The following UBR3 variants were observed in gnomAD, a reference collection of about 807,000 sequenced individuals.
The protein encoded by UBR3 is ubiquitin protein ligase E3 component n-recognin 3.
UBR3 carries 85 observed loss-of-function variants against 243.2 expected under a neutral mutation model. The observed-to-expected ratio is 0.35, with a 90% CI of 0.29 to 0.42. The LOEUF is 0.42. UBR3 is among the 10% of genes least tolerant of loss of function. UBR3 has a pLI of 1.00. For missense variants in UBR3, 1,686 were observed against 2,300.8 expected (o/e 0.73, Z 5.47); for synonymous variants, 748 against 799.8 (o/e 0.94, Z 1.09).
At chr2:170,056,443 G>T (rs536681171) in intron 33 of UBR3, among the ~76,000 whole-genome samples, 1 of 152,114 alleles carries the variant, frequency 6.6e-6, no homozygotes, top group African/African-American at 2.4e-5. Flanking sequence ...TATGCTAAAT[G>T]TAAATACTTT....
intron 20 of UBR3, among the ~76,000 whole-genome samples, chr2:169,945,800 C>T (rs1045740019): frequency 1.3e-5 from 2 of 152,238 alleles, no homozygotes; most frequent in South Asian, 2.1e-4. Context: ...TCAGAGAAGC[C>T]TTTTTACTAA....
chr2:170,055,419 A>G (rs201340624), intron 32 of UBR3, 41 bp from the exon 33 acceptor site: 66 of 1,601,106 alleles, frequency 4.1e-5, no homozygotes, highest in Non-Finnish European at 5.0e-5. Flanking sequence ...AGTACAAAAT[A>G]TCTAGATTCC....
chr2:170,077,340 C>G (rs2105460380), intron 36 of UBR3: 1 of 873,054 alleles, frequency 1.1e-6, no homozygotes, highest in East Asian at 2.4e-5. Context: ...TCACATTCAC[C>G]TCAGTAACAG....
chr2:169,914,087 G>T lies in UBR3; in HGVS notation c.1807G>T (p.Val603Phe). ...RETQEYTRNV[V>F]RYCLEALQDW... The stretch of plus-strand genomic sequence containing the variant: ...AACTCAAGAGTATACCCGAAATGTT[G>T]TTAGATATTGCCTTGAAGCTCTTCA... The change falls in exon 11 of 39, where the codon GTT becomes TTT. Residue 603 changes from valine (V) to phenylalanine (F), a missense_variant. Transcript: ENST00000272793. The T allele has an allele frequency of 6.6e-7, 1 of 1,507,732 alleles. No individual in the cohort carries two copies. The highest frequency in any genetic ancestry group is 8.9e-7 in the Non-Finnish European group (1 of 1,125,962). The allele number at this position is 1,507,732 out of a possible 1,614,324, so 93.4% of individuals were successfully genotyped here.
rs2091925342 is a variant in UBR3 at position 170,082,678 on chromosome 2, C to T, written c.*835C>T. On this transcript the variant is annotated 3_prime_UTR_variant, in exon 39 of 39. Coordinates refer to ENST00000272793, the MANE Select transcript of UBR3 (RefSeq NM_172070.4). ...GGGCAGATGTTGATTCCGTGCATGCCCACCTTTTATTACCAAACAAGGTTT... is the reference window on the plus strand; with the variant it reads ...GGGCAGATGTTGATTCCGTGCATGCTCACCTTTTATTACCAAACAAGGTTT... 1.3e-5 allele frequency: 2 copies of T among 152,436 alleles called. No individual in the cohort carries two copies. Among genetic ancestry groups the T allele is most frequent in the Admixed American group, 1.3e-4 (2 of 15,258 alleles). 9.4% of individuals were successfully genotyped at this position (152,436 alleles called of 1,614,324 possible).
intron 36 of UBR3, among the ~76,000 whole-genome samples, chr2:170,075,646 C>T (rs1398217873): frequency 6.6e-6 from 1 of 151,992 alleles, no homozygotes; most frequent in Non-Finnish European, 1.5e-5. Flanking sequence ...CTGTATTCCC[C>T]CTTGTGTCCC....
At chr2:169,877,713 A>T (rs2083668951) in intron 4 of UBR3, 76 bp downstream of exon 4, 2 of 1,374,110 alleles carry the variant, frequency 1.5e-6, no homozygotes, top group Non-Finnish European at 1.9e-6. Context: ...AACTTTACTC[A>T]TTATTGAAAA....
At chr2:170,024,130 A>G (rs1393078238) in intron 30 of UBR3, among the ~76,000 whole-genome samples, 2 of 152,032 alleles carry the variant, frequency 1.3e-5, no homozygotes. Context: ...TGAGGTGGGC[A>G]GATTACGAGG....
chr2:169,915,287 G>T (rs987929516), intron 11 of UBR3, among the ~76,000 whole-genome samples: 1 of 151,856 alleles, frequency 6.6e-6, no homozygotes, highest in Non-Finnish European at 1.5e-5. Flanking sequence ...AGGCTGGAGT[G>T]CAGTGGCACA....
At chr2:169,914,951 A>G (rs182546658) in intron 11 of UBR3, among the ~76,000 whole-genome samples, 5 of 152,102 alleles carry the variant, frequency 3.3e-5, no homozygotes, top group Admixed American at 2.6e-4. Context: ...AGAACTTTCT[A>G]TTCTTGAACG....
At chr2:169,998,876 T>TGATCTTGGTA (rs2089592609) in intron 26 of UBR3, among the ~76,000 whole-genome samples, 1 of 152,180 alleles carries the variant, frequency 6.6e-6, no homozygotes. Context: ...TATAACTTAG[T>TGATCTTGGTA]GATCTTGGTA....
At chr2:169,913,366 T>G (rs149594774) in intron 10 of UBR3, among the ~76,000 whole-genome samples, 2,964 of 151,558 alleles carry the variant, frequency 0.02, 106 homozygotes, top group African/African-American at 0.065. Flanking sequence ...TTTTGTTTTT[T>G]TTTTTGTTTT....
At chr2:170,081,454 C>T (rs572864349) in intron 38 of UBR3, among the ~76,000 whole-genome samples, 13 of 151,784 alleles carry the variant, frequency 8.6e-5, no homozygotes, top group Admixed American at 8.5e-4. Context: ...GAGCCAAGAT[C>T]GTGCCACTGC....
chr2:170,014,020 GA>G (rs1254167438), intron 29 of UBR3: 1 of 447,870 alleles, frequency 2.2e-6, no homozygotes, highest in Non-Finnish European at 4.7e-6. Context: ...CTGAAGGGTG[GA>G]AAATTCCCTT....
At chr2:170,066,407 A>ATAACTTT (rs965333948) in intron 35 of UBR3, among the ~76,000 whole-genome samples, 1 of 152,204 alleles carries the variant, frequency 6.6e-6, no homozygotes, top group African/African-American at 2.4e-5. Context: ...GCAGCTTCAC[A>ATAACTTT]TAACTTTTAA....
At chr2:169,886,008 T>C (rs1487141389) in intron 5 of UBR3, among the ~76,000 whole-genome samples, 3 of 151,756 alleles carry the variant, frequency 2.0e-5, no homozygotes, top group Non-Finnish European at 4.4e-5. Context: ...AATACAAAAA[T>C]TAGCCCAGCA....
chr2:169,844,621 G>C (rs1244373820), intron 1 of UBR3, among the ~76,000 whole-genome samples: 1 of 151,516 alleles, frequency 6.6e-6, no homozygotes, highest in African/African-American at 2.4e-5. Flanking sequence ...AGCCTCCCCA[G>C]TAGCTGGAAC....
Position 170,080,538 on chromosome 2 carries a change from T to A in UBR3, c.5410-7T>A. 1 of 1,591,004 alleles carries A rather than the reference T, an allele frequency of 6.3e-7. No homozygotes were observed. On this transcript the variant is annotated splice_region_variant and splice_polypyrimidine_tract_variant and intron_variant, in intron 37 of 38. Transcript: ENST00000272793. The stretch of plus-strand genomic sequence containing the variant: ...TGAAGTTCATTAATATATTTTTAAT[T>A]TTTTAGCACTCTCAGAACTGTGGTG...
chr2:169,968,048 T>G (rs1320950086), intron 24 of UBR3, among the ~76,000 whole-genome samples: 1 of 151,996 alleles, frequency 6.6e-6, no homozygotes, highest in Non-Finnish European at 1.5e-5. Context: ...AGAGATACTC[T>G]TCATTCTTTT....
Sources: gnomAD v4.1 joint callset for allele counts (sites outside exome capture counted in the v4.1 genomes callset) on GRCh38, gnomAD v4.1.1 for gene constraint, MANE v1.5 for transcripts, NCBI Gene and HGNC (gene_info 2026-07-23, HGNC 2026-07-21) for gene names.